Variants in USH2A observed in about 807,000 individuals in gnomAD.
USH2A encodes usherin.
In USH2A, 443 loss-of-function variants were observed where a neutral mutation model predicts 538.9. That is an observed-to-expected ratio of 0.82 (90% CI 0.76 to 0.89). The LOEUF (loss-of-function observed/expected upper bound fraction) is 0.89. Ranked by LOEUF, USH2A falls within the 40% of genes least tolerant of loss-of-function variation. The probability of loss-of-function intolerance (pLI) is 0.00; values close to 1 mark genes in which losing one functional copy is unlikely to be tolerated. For missense variants in USH2A, 6,633 were observed against 6,324.8 expected (o/e 1.05, Z -1.65); for synonymous variants, 2,413 against 2,273.5 (o/e 1.06, Z -1.75).
intron 21 of USH2A, among the ~76,000 whole-genome samples, chr1:216,132,618 G>T (rs969935456): frequency 1.3e-5 from 2 of 152,052 alleles, no homozygotes; most frequent in Non-Finnish European, 2.9e-5. Flanking sequence ...GAGCTAAGAG[G>T]GAGATAGCTA....
intron 16 of USH2A, chr1:216,204,284 A>G (rs1218353241): frequency 6.6e-6 from 1 of 152,232 alleles, no homozygotes; most frequent in Non-Finnish European, 1.5e-5. Context: ...AGGGGGCTAC[A>G]ATAGAGATAC....
At chr1:215,965,227 A>C (rs1667309021) in intron 37 of USH2A, 90 bp downstream of exon 37, 29 of 1,427,976 alleles carry the variant, frequency 2.0e-5, no homozygotes, top group Non-Finnish European at 2.8e-5. Flanking sequence ...TCTGTGGCTA[A>C]AAGAAAGATT....
chr1:215,757,000 G>A (rs1352441962), intron 58 of USH2A, among the ~76,000 whole-genome samples: 1 of 151,538 alleles, frequency 6.6e-6, no homozygotes, highest in Non-Finnish European at 1.5e-5. Flanking sequence ...TCTGTAAAGG[G>A]GGCTGTAAAT....
At chr1:216,391,414 T>G (rs1440868152) in intron 3 of USH2A, among the ~76,000 whole-genome samples, 10 of 152,212 alleles carry the variant, frequency 6.6e-5, no homozygotes, top group Non-Finnish European at 1.5e-4. Flanking sequence ...ATCACATTAC[T>G]TTACCATCTG....
At chr1:216,311,410 C>T (rs770633836) in intron 9 of USH2A, among the ~76,000 whole-genome samples, 1 of 152,106 alleles carries the variant, frequency 6.6e-6, no homozygotes, top group South Asian at 2.1e-4. Flanking sequence ...AATGGGGTAA[C>T]GAGTGCTACA....
chr1:216,386,435 G>A (rs2039007005), intron 3 of USH2A, among the ~76,000 whole-genome samples: 1 of 150,584 alleles, frequency 6.6e-6, no homozygotes, highest in Admixed American at 6.6e-5. Context: ...GCAGTGAGCC[G>A]AGATCCTGCC....
intron 11 of USH2A, among the ~76,000 whole-genome samples, chr1:216,270,706 TC>T (rs1252432020): frequency 1.3e-5 from 1 of 79,322 alleles, no homozygotes; most frequent in African/African-American, 3.6e-5. Context: ...TTTCATTCAT[TC>T]CAATTTTTTT....
chr1:215,874,963 G>A (rs1664720810), intron 43 of USH2A, among the ~76,000 whole-genome samples: 1 of 152,272 alleles, frequency 6.6e-6, no homozygotes, highest in East Asian at 1.9e-4. Context: ...AGTAACACAG[G>A]GGTGAACCAA....
intron 52 of USH2A, among the ~76,000 whole-genome samples, chr1:215,784,068 G>A (rs1049868948): frequency 2.0e-5 from 3 of 151,888 alleles, no homozygotes; most frequent in South Asian, 2.1e-4. Flanking sequence ...TTTTCTGCTC[G>A]GGGGTATCTG....
intron 14 of USH2A, among the ~76,000 whole-genome samples, chr1:216,223,094 G>C (rs2035490494): frequency 6.6e-6 from 1 of 151,100 alleles, no homozygotes; most frequent in Admixed American, 6.6e-5. Context: ...TTTTAGCCTA[G>C]TGAAACTCAT....
chr1:215,705,056 T>C (rs1659147993), intron 61 of USH2A, among the ~76,000 whole-genome samples: 3 of 152,346 alleles, frequency 2.0e-5, no homozygotes, highest in South Asian at 2.1e-4. Context: ...CTAGCTGTTT[T>C]AAAAATATTT....
chr1:216,137,867 C>T (rs372249124), intron 21 of USH2A, among the ~76,000 whole-genome samples: 13 of 152,024 alleles, frequency 8.6e-5, no homozygotes, highest in South Asian at 2.1e-4. Context: ...TTTAATAGAG[C>T]GATCTTTACC....
intron 4 of USH2A, among the ~76,000 whole-genome samples, chr1:216,352,654 T>A (rs567594671): frequency 6.6e-6 from 1 of 152,006 alleles, no homozygotes; most frequent in Non-Finnish European, 1.5e-5. Flanking sequence ...CATGGAAAAA[T>A]AACAACATGC....
Position 215,840,941 on chromosome 1 carries a change from T to A in USH2A, c.9259-2838A>T, listed in dbSNP as rs537276489. Among the ~76,000 whole-genome samples, 6 of 152,260 alleles carry A rather than the reference T, an allele frequency of 3.9e-5. No homozygotes were observed. The South Asian group carries it at 1.2e-3, about 32-fold the overall frequency. On this transcript the variant is annotated intron_variant, in intron 46 of 71. Coordinates refer to ENST00000307340, the MANE Select transcript of USH2A (RefSeq NM_206933.4). ...TGCATACATGGACTCACCATAAGAA[T>A]CATGAACATAAACATCAGTCCACAT...
intron 54 of USH2A, among the ~76,000 whole-genome samples, 178 bp from the exon 55 acceptor site, chr1:215,780,219 A>C (rs578200553): frequency 6.6e-6 from 1 of 152,240 alleles, no homozygotes; most frequent in African/African-American, 2.4e-5. Flanking sequence ...TAAACAATGA[A>C]ATCTGACCTT....
At chr1:216,060,667 G>A (rs980031570) in intron 30 of USH2A, among the ~76,000 whole-genome samples, 1 of 152,138 alleles carries the variant, frequency 6.6e-6, no homozygotes, top group African/African-American at 2.4e-5. Flanking sequence ...ATAAAATTGA[G>A]AAAATATTTT....
chr1:215,884,415 G>A (rs1664996313), intron 41 of USH2A, among the ~76,000 whole-genome samples: 1 of 152,144 alleles, frequency 6.6e-6, no homozygotes, highest in Admixed American at 6.6e-5. Context: ...TAAAGAAGTA[G>A]AGAAGAACAT....
intron 37 of USH2A, among the ~76,000 whole-genome samples, chr1:215,958,573 A>G (rs78048413): frequency 0.012 from 1,856 of 152,268 alleles, 33 homozygotes; most frequent in East Asian, 0.063. Context: ...GAAAAAGTTT[A>G]GGCTCAGAGA....
intron 32 of USH2A, among the ~76,000 whole-genome samples, chr1:216,022,229 T>G (rs1668860387): frequency 1.3e-5 from 2 of 152,088 alleles, no homozygotes; most frequent in Non-Finnish European, 2.9e-5. Context: ...ATAGGAACAC[T>G]AAATGGACTG....
Sources: allele counts gnomAD v4.1 joint callset (sites outside exome capture counted in the v4.1 genomes callset), GRCh38; gene constraint gnomAD v4.1.1; transcripts MANE v1.5; gene names NCBI Gene and HGNC (gene_info 2026-07-23, HGNC 2026-07-21).